SGCZ: variants seen among roughly 807,000 people sequenced by gnomAD.
SGCZ encodes the protein sarcoglycan zeta.
SGCZ carries 40 observed loss-of-function variants against 41.3 expected under a neutral mutation model. The ratio of observed to expected loss-of-function variants is 0.97; its 90% CI spans 0.75 to 1.26. The LOEUF (loss-of-function observed/expected upper bound fraction) is 1.26, where lower values mean the gene tolerates loss of function less well. SGCZ is among the 50% of genes most tolerant of loss of function. The pLI is 0.00. For missense variants in SGCZ, 552 were observed against 369.8 expected (o/e 1.49, Z -4.04); for synonymous variants, 206 against 137.5 (o/e 1.50, Z -3.49).
chr8:15,055,898 T>C (rs1255615498), intron 1 of SGCZ, among the ~76,000 whole-genome samples: 1 of 152,216 alleles, frequency 6.6e-6, no homozygotes, highest in Non-Finnish European at 1.5e-5. Context: ...CCCTGTGACC[T>C]GCTCTTTTTC....
At chr8:14,997,690 T>C (rs910626262) in intron 1 of SGCZ, among the ~76,000 whole-genome samples, 3 of 152,332 alleles carry the variant, frequency 2.0e-5, no homozygotes, top group African/African-American at 7.2e-5. Context: ...CAGGGTGCAG[T>C]GGCTCACACC....
chr8:14,379,873 A>C (rs1804294359), intron 2 of SGCZ, among the ~76,000 whole-genome samples: 1 of 152,002 alleles, frequency 6.6e-6, no homozygotes, highest in African/African-American at 2.4e-5. Flanking sequence ...CTGGGATTAC[A>C]AGAGTGTGCC....
chr8:14,836,119 TC>T (rs1802694695), intron 1 of SGCZ, among the ~76,000 whole-genome samples: 1 of 151,804 alleles, frequency 6.6e-6, no homozygotes, highest in African/African-American at 2.4e-5. Flanking sequence ...TTTTACTGCC[TC>T]CCCCACACCT....
At chr8:14,379,839 C>G (rs565459170) in intron 2 of SGCZ, among the ~76,000 whole-genome samples, 1 of 152,196 alleles carries the variant, frequency 6.6e-6, no homozygotes, top group Admixed American at 6.5e-5. Context: ...TCAAGTGATT[C>G]TCCTGCCTCA....
chr8:14,596,859 A>T (rs73517271), intron 1 of SGCZ, among the ~76,000 whole-genome samples: 11,304 of 152,122 alleles, frequency 0.074, 496 homozygotes, highest in Middle Eastern at 0.18. Flanking sequence ...AAGAAACAGA[A>T]TTTTTTTAAG....
rs536768851 is a variant in SGCZ, at chr8:14,478,683, G to C, written c.234+76049C>G. Among the ~76,000 whole-genome samples the C allele has an allele frequency of 1.1e-4, 17 of 152,238 alleles. No homozygotes were observed. The South Asian group carries it at 2.3e-3, about 20-fold the overall frequency. On this transcript the variant is annotated intron_variant, in intron 2 of 7. Coordinates refer to ENST00000382080, the MANE Select transcript of SGCZ (RefSeq NM_139167.4). ...AACTAAGAGGGAATCTGGTTGATTT[G>C]TTTCAGCTTAAATTCATGATTGCAA...
At chr8:14,713,905 T>G (rs574041514) in intron 1 of SGCZ, among the ~76,000 whole-genome samples, 1 of 152,180 alleles carries the variant, frequency 6.6e-6, no homozygotes, top group Admixed American at 6.6e-5. Context: ...CGATATTTTT[T>G]AAACCTTTAA....
intron 2 of SGCZ, among the ~76,000 whole-genome samples, chr8:14,366,475 G>A (rs1803711560): frequency 6.6e-6 from 1 of 152,006 alleles, no homozygotes; most frequent in African/African-American, 2.4e-5. Flanking sequence ...AACACCTGTG[G>A]GTTACAATTC....
At chr8:14,527,370 T>C (rs1411258511) in intron 2 of SGCZ, among the ~76,000 whole-genome samples, 1 of 152,142 alleles carries the variant, frequency 6.6e-6, no homozygotes, top group East Asian at 1.9e-4. Flanking sequence ...GGCGCGATTA[T>C]GGCTCACTGC....
At chr8:14,395,846 T>G (rs1051054128) in intron 2 of SGCZ, among the ~76,000 whole-genome samples, 8 of 152,072 alleles carry the variant, frequency 5.3e-5, no homozygotes, top group African/African-American at 1.9e-4. Context: ...TGGCTTCCAA[T>G]ACATGTGGAA....
Position 14,553,926 on chromosome 8 carries a change from G to A in SGCZ, c.234+806C>T, listed in dbSNP as rs575017892. ...TACTTGCTTGTATGTGGAGATATCTGAGGTCCCCAAGGAAAAGCAGAATGG... is the reference window on the plus strand; with the variant it reads ...TACTTGCTTGTATGTGGAGATATCTAAGGTCCCCAAGGAAAAGCAGAATGG... On this transcript the variant is annotated intron_variant, in intron 2 of 7. Coordinates refer to ENST00000382080, the MANE Select transcript of SGCZ (RefSeq NM_139167.4). Among the ~76,000 whole-genome samples the A allele has an allele frequency of 5.9e-5, 9 of 152,162 alleles. No individual in the cohort carries two copies. The South Asian group carries it at 1.5e-3, about 25-fold the overall frequency.
chr8:14,333,226 T>C (rs2117056686), intron 2 of SGCZ, among the ~76,000 whole-genome samples: 1 of 151,972 alleles, frequency 6.6e-6, no homozygotes, highest in East Asian at 1.9e-4. Context: ...GGGAGAGACT[T>C]GCTGTAAAAG....
chr8:14,360,894 C>T (rs1045735229), intron 2 of SGCZ, among the ~76,000 whole-genome samples: 7 of 152,166 alleles, frequency 4.6e-5, no homozygotes, highest in African/African-American at 1.7e-4. Context: ...TGTACCATTC[C>T]ACATTCTCAC....
intron 2 of SGCZ, among the ~76,000 whole-genome samples, chr8:14,485,344 C>A (rs527612229): frequency 2.6e-5 from 4 of 152,310 alleles, no homozygotes; most frequent in African/African-American, 9.6e-5. Context: ...TCAAGCGATT[C>A]TCCCGCCTCA....
intron 5 of SGCZ, among the ~76,000 whole-genome samples, chr8:14,135,278 C>T (rs1009618714): frequency 1.3e-5 from 2 of 152,160 alleles, no homozygotes; most frequent in South Asian, 2.1e-4. Flanking sequence ...TGAATTATTT[C>T]ACTTTTTCTC....
At position 14,457,333 on chromosome 8, in the gene SGCZ, G is replaced by A. The variant is rs182445518; in HGVS notation, c.234+97399C>T. Among the ~76,000 whole-genome samples the A allele has an allele frequency of 2.6e-3, 390 of 152,324 alleles. 5 individuals carry two copies. The highest frequency in any genetic ancestry group is 3.9e-3 in the Non-Finnish European group (268 of 68,034). On this transcript the variant is annotated intron_variant, in intron 2 of 7. Transcript: ENST00000382080. Reference sequence around the variant, plus strand: ...GAGGGCTCCTTGGTCTAGCGGTGACGCCAGCGTCTGGGAAGATGCCTGTTA... The same window carrying A: ...GAGGGCTCCTTGGTCTAGCGGTGACACCAGCGTCTGGGAAGATGCCTGTTA...
chr8:14,103,957 C>T (rs1289614664), intron 6 of SGCZ, among the ~76,000 whole-genome samples: 1 of 152,158 alleles, frequency 6.6e-6, no homozygotes, highest in Non-Finnish European at 1.5e-5. Flanking sequence ...CACAACCCTT[C>T]TAGAACTACG....
intron 2 of SGCZ, among the ~76,000 whole-genome samples, chr8:14,413,808 C>A (rs549739096): frequency 6.6e-6 from 1 of 151,954 alleles, no homozygotes; most frequent in African/African-American, 2.4e-5. Flanking sequence ...CCCATTCATA[C>A]ATATATGGTT....
chr8:14,532,833 T>C (rs1030692281), intron 2 of SGCZ, among the ~76,000 whole-genome samples: 3 of 151,668 alleles, frequency 2.0e-5, no homozygotes, highest in Non-Finnish European at 2.9e-5. Context: ...TACTAATAAT[T>C]TGAATGATAG....
Sources: gnomAD v4.1 joint callset for allele counts (sites outside exome capture counted in the v4.1 genomes callset) on GRCh38, gnomAD v4.1.1 for gene constraint, MANE v1.5 for transcripts, NCBI Gene and HGNC (gene_info 2026-07-23, HGNC 2026-07-21) for gene names.